Variants in BBIP1 observed in about 807,000 individuals in gnomAD.
BBIP1 encodes BBSome interacting protein 1, also known as BBSome-interacting protein 1.
A neutral mutation model predicts 8.9 loss-of-function variants in BBIP1; 6 were observed. The ratio of observed to expected loss-of-function variants is 0.67; its 90% CI spans 0.37 to 1.33. The LOEUF is 1.33. Ranked by LOEUF, BBIP1 falls within the 40% of genes most tolerant of loss-of-function variation. BBIP1 has a pLI of 0.02. For synonymous variants in BBIP1, 32 were observed against 33.4 expected, an observed-to-expected ratio of 0.96 and a Z score of 0.14; for missense variants, 111 against 109.2, an observed-to-expected ratio of 1.02 and a Z score of -0.07.
intron 2 of BBIP1, among the ~76,000 whole-genome samples, chr10:110,916,942 A>C (rs143564832): frequency 4.3e-4 from 65 of 152,358 alleles, no homozygotes; most frequent in African/African-American, 1.4e-3. Flanking sequence ...AACTCACGGC[A>C]AAGTGCGTAT....
chr10:110,916,860 A>T (rs1590760928), intron 2 of BBIP1, among the ~76,000 whole-genome samples: 1 of 152,320 alleles, frequency 6.6e-6, no homozygotes, highest in Middle Eastern at 3.4e-3. Flanking sequence ...CACAGGATTA[A>T]ATGCTACCCT....
chr10:110,900,270 C>T lies in BBIP1; in HGVS notation c.*90G>A. On this transcript the variant is annotated 3_prime_UTR_variant, in exon 4 of 4. Coordinates refer to ENST00000448814, the MANE Select transcript of BBIP1 (RefSeq NM_001195305.3). Reference sequence around the variant, plus strand: ...AATACTATCAATTTTATTGATAACACATACTACTTTCAGCACACAGAAGCA... The same window carrying T: ...AATACTATCAATTTTATTGATAACATATACTACTTTCAGCACACAGAAGCA... The T allele has an allele frequency of 8.4e-7, 1 of 1,197,522 alleles. No homozygotes were observed. The highest frequency in any genetic ancestry group is 2.6e-5 in the East Asian group (1 of 37,898). The allele number at this position is 1,197,522 out of a possible 1,614,324, so 74.2% of individuals were successfully genotyped here. A position where few individuals can be genotyped will look rare whatever the true frequency, so the allele number is the denominator to read the frequency against.
intron 2 of BBIP1, among the ~76,000 whole-genome samples, chr10:110,905,640 A>G (rs1282363107): frequency 1.3e-5 from 2 of 152,076 alleles, no homozygotes; most frequent in Non-Finnish European, 2.9e-5. Flanking sequence ...GTGAGACCAG[A>G]CTAGATCACT....
Position 110,918,214 on chromosome 10 carries a change from C to A in BBIP1, c.-56-1G>T. The A allele has an allele frequency of 2.1e-6, 3 of 1,403,034 alleles. No homozygotes were observed. The highest frequency in any genetic ancestry group is 2.9e-6 in the Non-Finnish European group (3 of 1,026,746). 86.9% of individuals were successfully genotyped at this position (1,403,034 alleles called of 1,614,324 possible). A position where few individuals can be genotyped will look rare whatever the true frequency, so the allele number is the denominator to read the frequency against. ...TCTTGACTCAAGCATACAGAAGAAA[C>A]TACAAGATAATGTATGATAACTTTG... On this transcript the variant is annotated splice_acceptor_variant, in intron 1 of 3. Transcript: ENST00000448814. LOFTEE classifies it low-confidence loss of function (5UTR_SPLICE).
rs151271017 is a variant in BBIP1 at position 110,909,678 on chromosome 10, T to G, written c.38-8066A>C. On this transcript the variant is annotated intron_variant, in intron 2 of 3. Coordinates refer to ENST00000448814, the MANE Select transcript of BBIP1 (RefSeq NM_001195305.3). Reference sequence around the variant, plus strand: ...TTCAAGAAAGTATAAATCTTTACAGTGGACAGAAATTGTGAGTTAATAGGC... The same window carrying G: ...TTCAAGAAAGTATAAATCTTTACAGGGGACAGAAATTGTGAGTTAATAGGC... Among the ~76,000 whole-genome samples the G allele has an allele frequency of 2.2e-3, 333 of 152,294 alleles. 1 individual carries two copies. The highest frequency in any genetic ancestry group is 7.5e-3 in the African/African-American group (310 of 41,558).
At chr10:110,914,279 ATATT>A (rs1846343697) in intron 2 of BBIP1, among the ~76,000 whole-genome samples, 1 of 152,072 alleles carries the variant, frequency 6.6e-6, no homozygotes, top group African/African-American at 2.4e-5. Flanking sequence ...TCTTCTATGA[ATATT>A]TATTAAGTTG....
At chr10:110,911,375 C>T (rs1846271940) in intron 2 of BBIP1, 1 of 152,030 alleles carries the variant, frequency 6.6e-6, no homozygotes, top group Non-Finnish European at 1.5e-5. Context: ...AGGACATTTA[C>T]CTTAGCTTCT....
chr10:110,901,798 A>C, intron 2 of BBIP1, 186 bp from the exon 3 acceptor site: 1 of 572,270 alleles, frequency 1.7e-6, no homozygotes, highest in South Asian at 2.0e-5. Context: ...AGATCTTGTC[A>C]ACTTCCATTA....
At chr10:110,901,135 GAACA>G (rs1293255222) in intron 3 of BBIP1, 1 of 455,294 alleles carries the variant, frequency 2.2e-6, no homozygotes, top group African/African-American at 2.0e-5. Context: ...ACAAAAATAA[GAACA>G]AATTAGCCAG....
intron 2 of BBIP1, among the ~76,000 whole-genome samples, chr10:110,913,261 G>C (rs141214248): frequency 6.6e-6 from 1 of 152,146 alleles, no homozygotes; most frequent in East Asian, 1.9e-4. Context: ...GGTTGTAAGG[G>C]TCAAGTGATA....
chr10:110,915,057 A>C (rs887436629), intron 2 of BBIP1, among the ~76,000 whole-genome samples: 1 of 152,260 alleles, frequency 6.6e-6, no homozygotes, highest in Non-Finnish European at 1.5e-5. Flanking sequence ...CTTAAAGCCC[A>C]GTCCCCAAAT....
chr10:110,912,072 C>T (rs538020397), intron 2 of BBIP1: 19 of 151,922 alleles, frequency 1.3e-4, no homozygotes, highest in African/African-American at 4.3e-4. Flanking sequence ...TTGACTAAAG[C>T]ACATTTCTTC....
intron 3 of BBIP1, chr10:110,900,746 T>G: frequency 2.1e-6 from 1 of 465,384 alleles, no homozygotes; most frequent in Non-Finnish European, 3.8e-6. Context: ...TTTTGAGCGT[T>G]CTACCCAAGA....
chr10:110,915,315 C>T (rs1395264128), intron 2 of BBIP1, among the ~76,000 whole-genome samples: 1 of 152,020 alleles, frequency 6.6e-6, no homozygotes, highest in Non-Finnish European at 1.5e-5. Context: ...TGCTACCCCA[C>T]CCAGCTAATA....
intron 2 of BBIP1, among the ~76,000 whole-genome samples, chr10:110,909,204 CT>C (rs1201996103): frequency 0.019 from 1,407 of 75,524 alleles, 25 homozygotes; most frequent in African/African-American, 0.036. Flanking sequence ...AAAAGTTGGC[CT>C]TTTTTTTTTT....
chr10:110,909,489 C>T (rs747856951), intron 2 of BBIP1, among the ~76,000 whole-genome samples: 3 of 152,196 alleles, frequency 2.0e-5, no homozygotes, highest in Non-Finnish European at 1.5e-5. Context: ...CCACCGTGCC[C>T]GGCCAGAAAA....
intron 2 of BBIP1, chr10:110,902,365 A>G (rs74156308): frequency 0.059 from 9,006 of 152,442 alleles, 343 homozygotes; most frequent in African/African-American, 0.11. Flanking sequence ...TGTGTGTTCA[A>G]GGTGTTCTGG....
At chr10:110,907,743 A>G in intron 2 of BBIP1, 1 of 702,442 alleles carries the variant, frequency 1.4e-6, no homozygotes, top group Non-Finnish European at 2.6e-6. Context: ...AAATCCTGGT[A>G]TAAAGGATGG....
intron 2 of BBIP1, among the ~76,000 whole-genome samples, chr10:110,913,941 T>G (rs930822751): frequency 6.6e-6 from 1 of 152,196 alleles, no homozygotes; most frequent in Non-Finnish European, 1.5e-5. Context: ...AATCCAAATT[T>G]TAGCTCCACT....
Sources: gnomAD v4.1 joint callset for allele counts (sites outside exome capture counted in the v4.1 genomes callset) on GRCh38, gnomAD v4.1.1 for gene constraint, MANE v1.5 for transcripts, NCBI Gene and HGNC (gene_info 2026-07-23, HGNC 2026-07-21) for gene names.